Variants in APOB observed in about 807,000 individuals in gnomAD.
The protein encoded by APOB is apolipoprotein B-100.
A neutral mutation model predicts 314.1 loss-of-function variants in APOB; 153 were observed. The observed-to-expected ratio is 0.49, with a 90% confidence interval of 0.43 to 0.56. The LOEUF (loss-of-function observed/expected upper bound fraction) is 0.56. APOB is among the 20% of genes least tolerant of loss of function. The pLI is 0.00. For missense variants in APOB, 5,430 were observed against 5,350.7 expected, an observed-to-expected ratio of 1.01 and a Z score of -0.46; for synonymous variants, 2,087 against 2,036.4, an observed-to-expected ratio of 1.02 and a Z score of -0.67.
At position 21,002,235 on chromosome 2, in the gene APOB, C is replaced by G. The variant is rs1202979099; in HGVS notation, c.13187G>C (p.Trp4396Ser). 6.2e-7 allele frequency: 1 copy of G among 1,613,926 alleles called. No homozygotes were observed. The highest frequency in any genetic ancestry group is 8.5e-7 in the Non-Finnish European group (1 of 1,179,948). The change falls in exon 29 of 29, where the codon TGG becomes TCG. Residue 4396 changes from tryptophan (W) to serine (S), a missense_variant. Physicochemically the swap from Trp to Ser is radical, Grantham distance 177 (BLOSUM62 -3). Around this residue, in one of 3 missense-constraint regions of APOB, gnomAD observed 3,281 missense variants for 3,171.0 expected, o/e 1.03. Transcript: ENST00000233242. ...TTCAAGTTCATAATATTTCACTGTC[C>G]AGCCAACTATACTTGGATCAAAATA... Reference protein sequence around the residue: ...EEYFDPSIVGWTVKYYELEEK... With the variant: ...EEYFDPSIVGSTVKYYELEEK...
intron 14 of APOB, 43 bp downstream of exon 14, chr2:21,027,785 C>T (rs1482984233): frequency 1.4e-5 from 21 of 1,458,062 alleles, no homozygotes; most frequent in Non-Finnish European, 2.0e-5. Flanking sequence ...GTTTATGATG[C>T]TGTACAAAAT....
Position 21,003,289 on chromosome 2 carries a change from C to T in APOB, c.12133G>A (p.Val4045Ile). 1.2e-6 allele frequency: 2 copies of T among 1,613,658 alleles called. No homozygotes were observed. Among genetic ancestry groups the T allele is most frequent in the Non-Finnish European group, 1.7e-6 (2 of 1,179,898 alleles). The change falls in exon 29 of 29, where the codon GTC becomes ATC. Residue 4045 changes from valine (V) to isoleucine (I), a missense_variant. By Grantham distance (29) the Val-to-Ile change is conservative (BLOSUM62 3). This residue lies in a region of APOB where 3,281 missense variants were observed against 3,171.0 expected (regional missense o/e 1.03). Coordinates refer to ENST00000233242, the MANE Select transcript of APOB (RefSeq NM_000384.3). ...KLTIFKTELR[V>I]RESDEETQIK... ...TGAGTTTCCTCATCAGATTCCCGGA[C>T]CCTCAACTCAGTTTTGAATATGGTG... is the stretch of plus-strand genomic sequence containing the variant.
rs1224998972 is a variant in APOB at position 21,023,057 on chromosome 2, A to G, written c.2605-15T>C. On this transcript the variant is annotated splice_polypyrimidine_tract_variant and intron_variant, in intron 17 of 28. Coordinates refer to ENST00000233242, the MANE Select transcript of APOB (RefSeq NM_000384.3). ...TCAGCCTGCATCTATAAGTCAGAAA[A>G]CAACCTATTCAGATTCATTAAATAC... The G allele has an allele frequency of 6.2e-7, 1 of 1,612,034 alleles. No homozygotes were observed. The highest frequency in any genetic ancestry group is 1.7e-5 in the Admixed American group (1 of 60,028).
Position 21,023,613 on chromosome 2 carries a change from G to A in APOB, c.2516C>T (p.Pro839Leu), listed in dbSNP as rs1273805376. 3 of 1,614,018 alleles carry A rather than the reference G, an allele frequency of 1.9e-6. No homozygotes were observed. Among genetic ancestry groups the A allele is most frequent in the African/African-American group, 2.7e-5 (2 of 74,928 alleles). The change falls in exon 17 of 29, where the codon CCC becomes CTC. Residue 839 changes from proline (P) to leucine (L), a missense_variant. Around this residue, in one of 3 missense-constraint regions of APOB, gnomAD observed 2,085 missense variants for 2,079.7 expected, o/e 1.00. Transcript: ENST00000233242. ...YIFMENAFEL[P>L]TGAGLQLQIS... is the part of the protein sequence containing the mutation. ...TTGCAACTGTAATCCAGCTCCAGTGGGGAGTTCAAAGGCATTCTCCATGAA... is the reference window on the plus strand; with the variant it reads ...TTGCAACTGTAATCCAGCTCCAGTGAGGAGTTCAAAGGCATTCTCCATGAA...
rs1663652527 is a variant in APOB, at chr2:21,023,015, A to G, written c.2632T>C (p.Ser878Pro). 1 of 1,614,068 alleles carries G rather than the reference A, an allele frequency of 6.2e-7. No homozygotes were observed. The highest frequency in any genetic ancestry group is 1.3e-5 in the African/African-American group (1 of 74,920). The change falls in exon 18 of 29, where the codon TCC (serine) becomes CCC (proline). Residue 878 changes from serine to proline, a missense_variant. Around this residue, in one of 3 missense-constraint regions of APOB, gnomAD observed 2,085 missense variants for 2,079.7 expected, o/e 1.00. Transcript: ENST00000233242. Reference protein sequence around the residue: ...NMQAELVAKPSVSVEFVTNMG... With the variant: ...NMQAELVAKPPVSVEFVTNMG... ...TTTGTCACAAACTCCACAGACACGG[A>G]GGGTTTTGCCACCAGTTCAGCCTGC...
In APOB at chr2:21,012,229, T is replaced by A; in HGVS notation, c.4639A>T (p.Thr1547Ser). ...ATGATGCCACTTTGCAGATCAGAGGTGGAGGTGAGGGAGAGGGTTCCATCT... is the reference window on the plus strand; with the variant it reads ...ATGATGCCACTTTGCAGATCAGAGGAGGAGGTGAGGGAGAGGGTTCCATCT... ...YEDGTLSLTS[T>S]SDLQSGIIKN... Residue 1547 changes from threonine (T) to serine (S), a missense_variant, in exon 26 of 29, where the codon ACC becomes TCC. Thr to Ser is a moderately conservative substitution (Grantham distance 58, BLOSUM62 1). Transcript: ENST00000233242. The A allele has an allele frequency of 6.2e-7, 1 of 1,609,408 alleles. No homozygotes were observed. The highest frequency in any genetic ancestry group is 8.5e-7 in the Non-Finnish European group (1 of 1,176,776).
At position 21,013,269 on chromosome 2, in the gene APOB, C is replaced by G. The variant is rs1663380295; in HGVS notation, c.4107G>C (p.Trp1369Cys). The G allele has an allele frequency of 6.2e-7, 1 of 1,614,156 alleles. No homozygotes were observed. The highest frequency in any genetic ancestry group is 1.3e-5 in the African/African-American group (1 of 75,028). ...STNVYSNLYN[W>C]SASYSGGNTS... ...TGTTGCCACCACTGTAGGAGGCGGA[C>G]CAGTTGTACAAGTTGCTGTAGACAT... Residue 1369 changes from tryptophan (W) to cysteine (C), a missense_variant, in exon 25 of 29, where the codon TGG (tryptophan) becomes TGC (cysteine). This residue lies in a region of APOB where 2,085 missense variants were observed against 2,079.7 expected (regional missense o/e 1.00). Coordinates refer to ENST00000233242, the MANE Select transcript of APOB (RefSeq NM_000384.3).
chr2:21,041,294 C>T (rs112310288), intron 3 of APOB, among the ~76,000 whole-genome samples: 8 of 152,326 alleles, frequency 5.3e-5, no homozygotes, highest in African/African-American at 1.9e-4. Context: ...ACGTTTTCCC[C>T]CTCCCGGGTA....
Position 21,042,346 on chromosome 2 carries a change from C to T in APOB, c.237+15G>A, listed in dbSNP as rs1389575972. Reference sequence around the variant, plus strand: ...GCTGTGGGCTCTAGGTCCCTCCTGCCTGCATCCTCCATACCTTGCAGTTGA... The same window carrying T: ...GCTGTGGGCTCTAGGTCCCTCCTGCTTGCATCCTCCATACCTTGCAGTTGA... On this transcript the variant is annotated intron_variant, in intron 3 of 28. Coordinates refer to ENST00000233242, the MANE Select transcript of APOB (RefSeq NM_000384.3). 14 of 1,602,776 alleles carry T rather than the reference C, an allele frequency of 8.7e-6. 1 individual carries two copies. The South Asian group carries it at 1.5e-4, about 18-fold the overall frequency.
chr2:21,033,934 C>A (rs1663940719), intron 8 of APOB, among the ~76,000 whole-genome samples: 1 of 152,208 alleles, frequency 6.6e-6, no homozygotes. Context: ...AAAGTGGAAT[C>A]CAGACTTGTC....
chr2:21,004,242 G>T, intron 28 of APOB, 27 bp downstream of exon 28: 2 of 1,611,638 alleles, frequency 1.2e-6, no homozygotes, highest in Non-Finnish European at 1.7e-6. Context: ...GCTCTTGGGG[G>T]CGTGTCACTC....
rs559088189 is a variant in APOB, at chr2:21,037,753, C to T, written c.537+205G>A. On this transcript the variant is annotated intron_variant, in intron 5 of 28. Transcript: ENST00000233242. Reference sequence around the variant, plus strand: ...TGACTGTTTTAAAATTAGACCCAACCTGATAAGCCTGCTTGGGATGATCTG... The same window carrying T: ...TGACTGTTTTAAAATTAGACCCAACTTGATAAGCCTGCTTGGGATGATCTG... Among the ~76,000 whole-genome samples the T allele has an allele frequency of 2.0e-5, 3 of 152,298 alleles. No individual in the cohort carries two copies. In the South Asian group the frequency reaches 6.2e-4, roughly 32 times the overall value.
At position 21,002,548 on chromosome 2, in the gene APOB, T is replaced by C. The variant is rs1663014979; in HGVS notation, c.12874A>G (p.Thr4292Ala). The change falls in exon 29 of 29, where the codon ACC becomes GCC. Residue 4292 changes from threonine (T) to alanine (A), a missense_variant. By Grantham distance (58) the Thr-to-Ala change is moderately conservative (BLOSUM62 0). Coordinates refer to ENST00000233242, the MANE Select transcript of APOB (RefSeq NM_000384.3). ...TGAAGATTACGTAGCACCTCTGTGG[T>C]CTTGAGAGACTGAATGGCTTTAAAT... ...EVFKAIQSLKTTEVLRNLQDL... is the reference protein window; with the variant it reads ...EVFKAIQSLKATEVLRNLQDL... The C allele has an allele frequency of 3.7e-6, 6 of 1,613,996 alleles. No homozygotes were observed. The highest frequency in any genetic ancestry group is 4.2e-6 in the Non-Finnish European group (5 of 1,179,918).
At chr2:21,018,406 A>G (rs982136063) in intron 20 of APOB, among the ~76,000 whole-genome samples, 1 of 151,902 alleles carries the variant, frequency 6.6e-6, no homozygotes, top group African/African-American at 2.4e-5. Flanking sequence ...TCACCTCTCC[A>G]TATCTCTCTG....
intron 7 of APOB, 88 bp from the exon 8 acceptor site, chr2:21,034,989 C>T: frequency 2.5e-6 from 2 of 796,966 alleles, no homozygotes; most frequent in South Asian, 1.3e-5. Context: ...TCTGCATCTA[C>T]CCAAGTCCTG....
At chr2:21,034,749 G>C (rs1572800080) in intron 8 of APOB, 67 bp downstream of exon 8, 2 of 891,294 alleles carry the variant, frequency 2.2e-6, no homozygotes, top group Non-Finnish European at 3.9e-6. Flanking sequence ...GGCTCAGCAA[G>C]TGGCTAAGCC....
chr2:21,007,156 A>AT lies in APOB; in HGVS notation c.9711dup (p.Ser3238IlefsTer22). On this transcript the variant is annotated frameshift_variant, in exon 26 of 29. Transcript: ENST00000233242. LOFTEE classifies it high-confidence loss of function. ...AAGGTCCTGGGGAGCTCGTCGTGAG[A>AT]TTTTTCAGCTTTGTACTTATCAAAC... 2 of 1,613,872 alleles carry AT rather than the reference A, an allele frequency of 1.2e-6. No homozygotes were observed. The highest frequency in any genetic ancestry group is 1.7e-6 in the Non-Finnish European group (2 of 1,179,906).
At position 21,001,827 on chromosome 2, in the gene APOB, A is replaced by T; in HGVS notation, c.13595T>A (p.Leu4532Gln). 1 of 1,614,110 alleles carries T rather than the reference A, an allele frequency of 6.2e-7. No homozygotes were observed. Among genetic ancestry groups the T allele is most frequent in the Non-Finnish European group, 8.5e-7 (1 of 1,179,960 alleles). ...TTTCAGTAACTCCGTGATGTATATC[A>T]GAAATGTGTGGTAGTTTTGAATGGA... Reference protein sequence around the residue: ...DLSIQNYHTFLIYITELLKKL... With the variant: ...DLSIQNYHTFQIYITELLKKL... Residue 4532 changes from leucine to glutamine, a missense_variant, in exon 29 of 29, where the codon CTG becomes CAG. Around this residue, in one of 3 missense-constraint regions of APOB, gnomAD observed 3,281 missense variants for 3,171.0 expected, o/e 1.03. Coordinates refer to ENST00000233242, the MANE Select transcript of APOB (RefSeq NM_000384.3).
rs752474043 is a variant in APOB at position 21,013,237 on chromosome 2, G to A, written c.4139C>T (p.Thr1380Ile). The change falls in exon 25 of 29, where the codon ACA becomes ATA. Residue 1380 changes from threonine to isoleucine, a missense_variant. By Grantham distance (89) the Thr-to-Ile change is moderately conservative. This residue lies in a region of APOB where 2,085 missense variants were observed against 2,079.7 expected (regional missense o/e 1.00). Coordinates refer to ENST00000233242, the MANE Select transcript of APOB (RefSeq NM_000384.3). ...ACGAGCCCGAAGGCTGAAATGGTCT[G>A]TGCTGGTGTTGCCACCACTGTAGGA... ...SASYSGGNTS[T>I]DHFSLRARYH... 6 of 1,614,084 alleles carry A rather than the reference G, an allele frequency of 3.7e-6. No homozygotes were observed. Among genetic ancestry groups the A allele is most frequent in the Non-Finnish European group, 5.1e-6 (6 of 1,180,048 alleles).
Sources: gnomAD v4.1 joint callset for allele counts (sites outside exome capture counted in the v4.1 genomes callset) on GRCh38, gnomAD v4.1.1 for gene constraint, gnomAD v4.1.1 regional missense constraint, MANE v1.5 for transcripts, NCBI Gene and HGNC (gene_info 2026-07-23, HGNC 2026-07-21) for gene names.